INPP4B: variants seen among roughly 807,000 people sequenced by gnomAD.
The protein encoded by INPP4B is inositol polyphosphate 4-phosphatase type II.
INPP4B carries 55 observed loss-of-function variants against 122.5 expected under a neutral mutation model. The ratio of observed to expected loss-of-function variants is 0.45; its 90% CI spans 0.36 to 0.56. The LOEUF (loss-of-function observed/expected upper bound fraction) is 0.56. Among genes scored for constraint, INPP4B ranks in the 20% least tolerant of loss-of-function variants. The probability of loss-of-function intolerance (pLI) is 0.00; values close to 1 mark genes in which losing one functional copy is unlikely to be tolerated. For missense variants in INPP4B, 1,000 were observed against 1,097.7 expected, an observed-to-expected ratio of 0.91 and a Z score of 1.26; for synonymous variants, 403 against 388.7, an observed-to-expected ratio of 1.04 and a Z score of -0.43.
At chr4:142,129,551 C>T (rs1800250714) in intron 18 of INPP4B, among the ~76,000 whole-genome samples, 2 of 152,138 alleles carry the variant, frequency 1.3e-5, no homozygotes, top group African/African-American at 4.8e-5. Context: ...TAGACATCTG[C>T]CCATAGGAGG....
At chr4:142,298,153 C>T (rs1364030770) in intron 9 of INPP4B, among the ~76,000 whole-genome samples, 1 of 152,104 alleles carries the variant, frequency 6.6e-6, no homozygotes, top group Non-Finnish European at 1.5e-5. Context: ...AGAGTTGGAC[C>T]AAAGAGCTGC....
At chr4:142,045,464 C>T (rs1204628402) in intron 25 of INPP4B, among the ~76,000 whole-genome samples, 1 of 152,130 alleles carries the variant, frequency 6.6e-6, no homozygotes, top group African/African-American at 2.4e-5. Flanking sequence ...TCCAGAACTT[C>T]AGTATCTACT....
At chr4:142,449,109 A>T (rs571374117) in intron 3 of INPP4B, among the ~76,000 whole-genome samples, 1 of 152,256 alleles carries the variant, frequency 6.6e-6, no homozygotes, top group African/African-American at 2.4e-5. Flanking sequence ...CTGCTTTGTC[A>T]CAATAAAAAT....
At chr4:142,610,786 G>A (rs1179401780) in intron 2 of INPP4B, among the ~76,000 whole-genome samples, 4 of 152,082 alleles carry the variant, frequency 2.6e-5, no homozygotes, top group Non-Finnish European at 5.9e-5. Context: ...ATATATGTAT[G>A]TGTACACACA....
chr4:142,095,386 G>T (rs1781386900), intron 23 of INPP4B, among the ~76,000 whole-genome samples: 1 of 152,168 alleles, frequency 6.6e-6, no homozygotes, highest in South Asian at 2.1e-4. Context: ...ATAAGAATTT[G>T]TTAATTGTCT....
At chr4:142,511,158 T>C (rs755122965) in intron 2 of INPP4B, among the ~76,000 whole-genome samples, 8 of 152,174 alleles carry the variant, frequency 5.3e-5, no homozygotes, top group South Asian at 2.1e-4. Context: ...AACTTTCTCA[T>C]ACATTCATTT....
intron 1 of INPP4B, among the ~76,000 whole-genome samples, chr4:142,815,143 G>C (rs1779967350): frequency 6.6e-6 from 1 of 152,126 alleles, no homozygotes; most frequent in Admixed American, 6.6e-5. Flanking sequence ...TTACTCTAGA[G>C]GGGTGTCCTA....
chr4:142,729,702 T>G (rs1186322019), intron 1 of INPP4B, among the ~76,000 whole-genome samples: 2 of 152,174 alleles, frequency 1.3e-5, no homozygotes, highest in African/African-American at 2.4e-5. Flanking sequence ...CTATGCTTGA[T>G]GCAGGTCATA....
chr4:142,147,109 T>A (rs1811185037), intron 17 of INPP4B, among the ~76,000 whole-genome samples: 1 of 152,146 alleles, frequency 6.6e-6, no homozygotes, highest in Non-Finnish European at 1.5e-5. Flanking sequence ...ATTTATGGTG[T>A]TTTCCCTGCA....
intron 2 of INPP4B, among the ~76,000 whole-genome samples, chr4:142,651,242 G>T (rs1752902118): frequency 6.6e-6 from 1 of 152,144 alleles, no homozygotes; most frequent in Non-Finnish European, 1.5e-5. Context: ...AAAATTTATA[G>T]CACTAAAATG....
chr4:142,651,107 C>T (rs901572366), intron 2 of INPP4B, among the ~76,000 whole-genome samples: 4 of 152,156 alleles, frequency 2.6e-5, no homozygotes, highest in African/African-American at 9.7e-5. Flanking sequence ...TGAAATCCTG[C>T]TCCTAAATGA....
chr4:142,787,937 G>C (rs1384106246), intron 1 of INPP4B, among the ~76,000 whole-genome samples: 1 of 151,790 alleles, frequency 6.6e-6, no homozygotes, highest in Non-Finnish European at 1.5e-5. Context: ...TGGAGGGGGA[G>C]AGGGCAGAAA....
At chr4:142,033,031 C>T (rs1408135784) in intron 25 of INPP4B, among the ~76,000 whole-genome samples, 1 of 151,726 alleles carries the variant, frequency 6.6e-6, no homozygotes, top group African/African-American at 2.4e-5. Flanking sequence ...ATAAAAAAGC[C>T]TAAAACATGT....
intron 18 of INPP4B, among the ~76,000 whole-genome samples, chr4:142,133,290 G>A (rs147043316): frequency 2.4e-4 from 37 of 152,202 alleles, no homozygotes; most frequent in African/African-American, 6.5e-4. Flanking sequence ...TCTTTAGCCT[G>A]AATATGTCTC....
At chr4:142,718,440 G>T (rs1350447957) in intron 2 of INPP4B, among the ~76,000 whole-genome samples, 1 of 152,162 alleles carries the variant, frequency 6.6e-6, no homozygotes, top group Non-Finnish European at 1.5e-5. Flanking sequence ...GCCCCAATCG[G>T]ATCTTATTCC....
chr4:142,390,139 C>T (rs954802309), intron 7 of INPP4B, among the ~76,000 whole-genome samples: 1 of 152,000 alleles, frequency 6.6e-6, no homozygotes, highest in Non-Finnish European at 1.5e-5. Context: ...TACGGTCAAA[C>T]TGATTAAGAT....
intron 2 of INPP4B, among the ~76,000 whole-genome samples, chr4:142,630,784 A>C (rs1274209622): frequency 6.6e-6 from 1 of 152,090 alleles, no homozygotes. Context: ...GGTACAGTAC[A>C]CTTACCTACT....
intron 2 of INPP4B, among the ~76,000 whole-genome samples, chr4:142,576,012 C>T (rs1401691017): frequency 6.6e-6 from 1 of 152,040 alleles, no homozygotes; most frequent in African/African-American, 2.4e-5. Flanking sequence ...GTTGTAGAGT[C>T]CACGTTCAAA....
chr4:142,174,315 G>A (rs550636201), intron 15 of INPP4B, among the ~76,000 whole-genome samples: 18 of 152,194 alleles, frequency 1.2e-4, no homozygotes, highest in South Asian at 4.2e-4. Flanking sequence ...GGTGTGTAAC[G>A]TTAGTAGTCA....
Sources: allele counts gnomAD v4.1 joint callset (sites outside exome capture counted in the v4.1 genomes callset), GRCh38; gene constraint gnomAD v4.1.1; transcripts MANE v1.5; gene names NCBI Gene and HGNC (gene_info 2026-07-23, HGNC 2026-07-21).